DNAH5: variants seen among roughly 807,000 people sequenced by gnomAD.
DNAH5 encodes the protein axonemal beta dynein heavy chain 5.
DNAH5 carries 372 observed loss-of-function variants against 518.2 expected under a neutral mutation model. That is an observed-to-expected ratio of 0.72 (90% CI 0.66 to 0.78). DNAH5 has a LOEUF of 0.78. Among genes scored for constraint, DNAH5 ranks in the 30% least tolerant of loss-of-function variants. The pLI is 0.00. For missense variants in DNAH5, 5,523 were observed against 5,687.0 expected, an observed-to-expected ratio of 0.97 and a Z score of 0.93; for synonymous variants, 2,039 against 2,025.9, an observed-to-expected ratio of 1.01 and a Z score of -0.17.
Position 13,707,931 on chromosome 5 carries a change from C to G in DNAH5, c.13338+192G>C, listed in dbSNP as rs1321433407. Among the ~76,000 whole-genome samples, 1 of 152,084 alleles carries G rather than the reference C, an allele frequency of 6.6e-6. No homozygotes were observed. The highest frequency in any genetic ancestry group is 1.5e-5 in the Non-Finnish European group (1 of 68,024). ...GCATGTAAATGCCCTAGCAGAGAAC[C>G]TGATTCGTGGGATTTGCTAAAAAAA... is the stretch of plus-strand genomic sequence containing the variant. On this transcript the variant is annotated intron_variant, in intron 76 of 78. Coordinates refer to ENST00000265104, the MANE Select transcript of DNAH5 (RefSeq NM_001369.3). The surrounding 1 kb of genome is among the most constrained non-coding windows in gnomAD (Gnocchi z 4.0).
chr5:14,011,605 C>T (rs1785132373), intron 1 of DNAH5, among the ~76,000 whole-genome samples: 4 of 152,222 alleles, frequency 2.6e-5, no homozygotes. Flanking sequence ...CGCGGCGGCC[C>T]TGGCTGGGCG....
chr5:13,737,399 T>C lies in DNAH5; in HGVS notation c.11308A>G (p.Ser3770Gly), dbSNP rs1747677646. 6.2e-7 allele frequency: 1 copy of C among 1,614,190 alleles called. No homozygotes were observed. The highest frequency in any genetic ancestry group is 8.5e-7 in the Non-Finnish European group (1 of 1,180,014). The part of the protein sequence containing the change: ...LEDNLLYRLT[S>G]TQGSLVEDES... ...TCTTCTACCAGGGACCCCTGGGTACTTGTCAGGCGGTAAAGCAAGTTATCT... is the reference window on the plus strand; with the variant it reads ...TCTTCTACCAGGGACCCCTGGGTACCTGTCAGGCGGTAAAGCAAGTTATCT... Residue 3770 changes from serine to glycine, a missense_variant, in exon 66 of 79, where the codon AGT becomes GGT. Ser to Gly is a moderately conservative substitution (Grantham distance 56). Coordinates refer to ENST00000265104, the MANE Select transcript of DNAH5 (RefSeq NM_001369.3).
intron 65 of DNAH5, among the ~76,000 whole-genome samples, chr5:13,742,303 T>C (rs1748680265): frequency 6.6e-6 from 1 of 152,104 alleles, no homozygotes; most frequent in Admixed American, 6.6e-5. Flanking sequence ...TTTACCTTTC[T>C]GCCCATTTTT....
At chr5:13,999,357 C>A (rs531718598) in intron 1 of DNAH5, among the ~76,000 whole-genome samples, 7 of 152,328 alleles carry the variant, frequency 4.6e-5, no homozygotes, top group Admixed American at 3.9e-4. Flanking sequence ...AACAATTCCC[C>A]ACTTTCTGCT....
chr5:13,924,771 A>C (rs1777685235), intron 3 of DNAH5, among the ~76,000 whole-genome samples: 1 of 152,206 alleles, frequency 6.6e-6, no homozygotes, highest in African/African-American at 2.4e-5. Context: ...GCACATAAGA[A>C]TACTAGCCTC....
Position 13,692,130 on chromosome 5 carries a change from G to A in DNAH5, c.13729C>T (p.Arg4577Ter), listed in dbSNP as rs1365275304. ...IRIYAENNTL[R>*]DPRFYSCPIY... ...GGACAGGAGTAAAACCGAGGATCTC[G>A]TAAAGCTACAAAAAACATAAAAGAA... The change falls in exon 79 of 79, where the codon CGA (arginine) becomes TGA (stop). Residue 4577 changes from arginine (R) to a stop codon, truncating the protein, a stop_gained. Transcript: ENST00000265104. LOFTEE classifies it high-confidence loss of function. 5 of 1,613,798 alleles carry A rather than the reference G, an allele frequency of 3.1e-6. No individual in the cohort carries two copies. Among genetic ancestry groups the A allele is most frequent in the Admixed American group, 1.7e-5 (1 of 59,982 alleles).
In DNAH5 at chr5:13,830,785, T is replaced by C; in HGVS notation, c.5883-10A>G. ...CAGCGTGATGTAACATCTGCATGGG[T>C]AGAAACATCACTAGAACCAGCCCTC... On this transcript the variant is annotated splice_polypyrimidine_tract_variant and intron_variant, in intron 35 of 78. Coordinates refer to ENST00000265104, the MANE Select transcript of DNAH5 (RefSeq NM_001369.3). The C allele has an allele frequency of 6.2e-7, 1 of 1,613,866 alleles. No homozygotes were observed. Among genetic ancestry groups the C allele is most frequent in the Non-Finnish European group, 8.5e-7 (1 of 1,179,912 alleles).
Position 13,850,651 on chromosome 5 carries a change from C to G in DNAH5, c.5114+1G>C, listed in dbSNP as rs878854457. On this transcript the variant is annotated splice_donor_variant, in intron 31 of 78. Transcript: ENST00000265104. LOFTEE classifies it high-confidence loss of function. ...AGCTTTCAAAGAGCCAGTGAACTTA[C>G]CCAGTAAGGGATTTCTGGCATATTT... 5.6e-6 allele frequency: 9 copies of G among 1,613,432 alleles called. No homozygotes were observed. The highest frequency in any genetic ancestry group is 6.8e-6 in the Non-Finnish European group (8 of 1,179,596).
chr5:13,839,250 G>A (rs1764827443), intron 35 of DNAH5, 106 bp downstream of exon 35: 1 of 997,392 alleles, frequency 1.0e-6, no homozygotes, highest in Non-Finnish European at 1.5e-6. Context: ...AATTTCAAAG[G>A]TTTTAGTATA....
At chr5:13,906,759 C>T (rs962333605) in intron 12 of DNAH5, among the ~76,000 whole-genome samples, 10 of 152,180 alleles carry the variant, frequency 6.6e-5, no homozygotes, top group East Asian at 5.8e-4. Context: ...ACAAACATTA[C>T]GTGATACTTT....
At chr5:13,830,384 T>C (rs1270098333) in intron 36 of DNAH5, among the ~76,000 whole-genome samples, 171 bp from the exon 37 acceptor site, 1 of 151,130 alleles carries the variant, frequency 6.6e-6, no homozygotes, top group African/African-American at 2.4e-5. Flanking sequence ...ATTTGGCACT[T>C]CACCTGTAAA....
upstream of DNAH5, among the ~76,000 whole-genome samples, chr5:13,948,074 A>G (rs1292458930): frequency 2.0e-5 from 3 of 152,236 alleles, no homozygotes; most frequent in African/African-American, 7.2e-5. Context: ...CCAGGAAGTT[A>G]CAGCCAACAA....
In DNAH5 at chr5:13,793,938, G is replaced by A; in HGVS notation, c.8008C>T (p.Gln2670Ter). Residue 2670 changes from glutamine (Q) to a stop codon, truncating the protein, a stop_gained and splice_region_variant, in exon 48 of 79, where the codon CAG becomes TAG. Transcript: ENST00000265104. LOFTEE classifies it high-confidence loss of function. The part of the protein sequence containing the change: ...NMPIINEWGD[Q>*]VTNEIVRQLM... ...AATGCACAATAGAATGATGATACCT[G>A]ATCTCCCCACTCATTGATTATTGGC... 4 of 1,613,852 alleles carry A rather than the reference G, an allele frequency of 2.5e-6. No homozygotes were observed. Among genetic ancestry groups the A allele is most frequent in the Non-Finnish European group, 3.4e-6 (4 of 1,179,876 alleles).
chr5:13,949,427 A>G (rs189885806), upstream of DNAH5, among the ~76,000 whole-genome samples: 68 of 152,360 alleles, frequency 4.5e-4, no homozygotes, highest in African/African-American at 1.5e-3. Flanking sequence ...AAAAGAAGAT[A>G]GTGATTCTAA....
At chr5:13,851,946 G>A (rs565907383) in intron 30 of DNAH5, among the ~76,000 whole-genome samples, 154 of 151,986 alleles carry the variant, frequency 1.0e-3, no homozygotes, top group African/African-American at 3.5e-3. Context: ...GGGGTGGGGC[G>A]TTGCCTCACC....
rs907431736 is a variant in DNAH5 at position 13,823,445 on chromosome 5, C to T, written c.6580-75G>A. 4.3e-6 allele frequency: 4 copies of T among 933,790 alleles called. No individual in the cohort carries two copies. The Admixed American group carries it at 6.9e-5, about 16-fold the overall frequency. The allele number at this position is 933,790 out of a possible 1,614,324, so 57.8% of individuals were successfully genotyped here. On this transcript the variant is annotated intron_variant, in intron 39 of 78. Transcript: ENST00000265104. ...TCAATATGCAGATAAACTGGAAATG[C>T]CCAACACAGTCCGGGTTATTGCAAT... is the stretch of plus-strand genomic sequence containing the variant.
intron 35 of DNAH5, among the ~76,000 whole-genome samples, chr5:13,833,457 A>AAAAAG (rs2151843953): frequency 6.6e-6 from 1 of 150,590 alleles, no homozygotes; most frequent in Non-Finnish European, 1.5e-5. Flanking sequence ...AAAAAAAAAA[A>AAAAAG]GTGTTATCAG....
At chr5:13,913,711 A>T (rs377081071) in intron 11 of DNAH5, 32 bp downstream of exon 11, 4 of 1,611,120 alleles carry the variant, frequency 2.5e-6, no homozygotes, top group Non-Finnish European at 2.5e-6. Flanking sequence ...GTTGTGGATT[A>T]TGTTATAAAA....
At chr5:13,911,226 A>C (rs1167524423) in intron 12 of DNAH5, 160 bp downstream of exon 12, 1 of 664,732 alleles carries the variant, frequency 1.5e-6, no homozygotes, top group African/African-American at 1.8e-5. Context: ...ACAGCCTTCA[A>C]TTATTAATCT....
Sources: gnomAD v4.1 joint callset for allele counts (sites outside exome capture counted in the v4.1 genomes callset) on GRCh38, gnomAD v4.1.1 for gene constraint, Gnocchi (gnomAD v3.1) non-coding constraint, MANE v1.5 for transcripts, NCBI Gene and HGNC (gene_info 2026-07-23, HGNC 2026-07-21) for gene names.